The following IQCM variants were observed in gnomAD, a reference collection of about 807,000 sequenced individuals.
IQCM encodes the protein IQ motif containing M.
Under a neutral mutation model 57.6 loss-of-function variants are expected in IQCM, and 45 were observed. That is an observed-to-expected ratio of 0.78 (90% confidence interval 0.62 to 1.00). The LOEUF (loss-of-function observed/expected upper bound fraction) is 1.00, where lower values mean the gene tolerates loss of function less well. Ranked by LOEUF, IQCM falls within the 50% of genes least tolerant of loss-of-function variation. IQCM has a pLI of 0.00. For synonymous variants in IQCM, 148 were observed against 158.9 expected (o/e 0.93, Z 0.51); for missense variants, 468 against 511.6 (o/e 0.91, Z 0.82).
chr4:149,710,649 C>A (rs1764490455), intron 5 of IQCM, among the ~76,000 whole-genome samples: 1 of 152,096 alleles, frequency 6.6e-6, no homozygotes, highest in Non-Finnish European at 1.5e-5. Flanking sequence ...AAGCTCATCC[C>A]AAAGCTAATA....
intron 12 of IQCM, among the ~76,000 whole-genome samples, chr4:149,482,136 C>A (rs983042189): frequency 5.3e-5 from 8 of 151,908 alleles, no homozygotes; most frequent in African/African-American, 1.7e-4. Flanking sequence ...TTGTATCCTG[C>A]AACTTAACTG....
At chr4:149,803,229 G>C (rs1773769663) in intron 2 of IQCM, among the ~76,000 whole-genome samples, 1 of 151,840 alleles carries the variant, frequency 6.6e-6, no homozygotes, top group South Asian at 2.1e-4. Flanking sequence ...TCTTGATTTT[G>C]TCTATTTCCC....
At chr4:149,436,699 G>C (rs995998683) in intron 12 of IQCM, among the ~76,000 whole-genome samples, 1 of 151,938 alleles carries the variant, frequency 6.6e-6, no homozygotes, top group African/African-American at 2.4e-5. Context: ...AATAATTTTT[G>C]CTGTTTATGG....
chr4:149,384,930 A>G (rs546438826), intron 13 of IQCM, among the ~76,000 whole-genome samples: 5 of 152,178 alleles, frequency 3.3e-5, no homozygotes, highest in East Asian at 3.9e-4. Context: ...TAATTCAGCT[A>G]TTAGTGATTT....
intron 10 of IQCM, among the ~76,000 whole-genome samples, chr4:149,560,268 A>C (rs1749994264): frequency 6.6e-6 from 1 of 152,226 alleles, no homozygotes; most frequent in African/African-American, 2.4e-5. Context: ...TTCTTATGGT[A>C]ATATTGAAAC....
chr4:149,609,723 G>C (rs1454146954), intron 8 of IQCM, among the ~76,000 whole-genome samples: 1 of 151,508 alleles, frequency 6.6e-6, no homozygotes, highest in Non-Finnish European at 1.5e-5. Context: ...CTCGGTATAG[G>C]GGGAACATAC....
chr4:149,695,434 T>G (rs1561167241), intron 5 of IQCM, among the ~76,000 whole-genome samples: 1 of 152,182 alleles, frequency 6.6e-6, no homozygotes, highest in Non-Finnish European at 1.5e-5. Flanking sequence ...CCTTCAGCTT[T>G]TGTAATTGGG....
Position 149,622,342 on chromosome 4 carries a change from C to CTTT in IQCM, c.566-1101_566-1099dup, listed in dbSNP as rs767957507. Among the ~76,000 whole-genome samples, 67 of 140,550 alleles carry CTTT rather than the reference C, an allele frequency of 4.8e-4. 1 individual carries two copies. The highest frequency in any genetic ancestry group is 8.5e-4 in the Admixed American group (12 of 14,068). 92.2% of individuals were successfully genotyped at this position (140,550 alleles called of 152,430 possible). On this transcript the variant is annotated intron_variant, in intron 7 of 13. Coordinates refer to ENST00000636793, the MANE Select transcript of IQCM (RefSeq NM_001363507.2). The stretch of plus-strand genomic sequence containing the variant: ...CAATCCAATGTGAATCAGTGGAATT[C>CTTT]TTTTTTATTTTTTTTTTGGAGACGT...
intron 8 of IQCM, among the ~76,000 whole-genome samples, chr4:149,596,319 A>G (rs1179116192): frequency 6.6e-6 from 1 of 152,172 alleles, no homozygotes; most frequent in Non-Finnish European, 1.5e-5. Context: ...TGTTTAATGC[A>G]TGGCTGAGCT....
chr4:149,679,123 A>G (rs764346352), intron 7 of IQCM, among the ~76,000 whole-genome samples: 1 of 151,734 alleles, frequency 6.6e-6, no homozygotes, highest in Non-Finnish European at 1.5e-5. Context: ...AAAATATGGA[A>G]TCAACATATG....
At chr4:149,664,938 G>C (rs923673045) in intron 7 of IQCM, among the ~76,000 whole-genome samples, 1 of 152,160 alleles carries the variant, frequency 6.6e-6, no homozygotes, top group Non-Finnish European at 1.5e-5. Flanking sequence ...CTATTAGGCA[G>C]CTTCCTTACT....
At chr4:149,416,540 C>A (rs1036806067) in intron 13 of IQCM, among the ~76,000 whole-genome samples, 2 of 151,984 alleles carry the variant, frequency 1.3e-5, no homozygotes, top group African/African-American at 4.8e-5. Context: ...CCACCCCAGA[C>A]CTTATTAGTC....
intron 12 of IQCM, among the ~76,000 whole-genome samples, chr4:149,469,242 T>A (rs1458379311): frequency 6.6e-6 from 1 of 152,080 alleles, no homozygotes; most frequent in Non-Finnish European, 1.5e-5. Flanking sequence ...ATTAGACAAA[T>A]GGCTAACTAG....
At chr4:149,521,274 AC>A (rs368261524) in intron 12 of IQCM, among the ~76,000 whole-genome samples, 2 of 152,076 alleles carry the variant, frequency 1.3e-5, no homozygotes, top group Admixed American at 1.3e-4. Flanking sequence ...GAGAACAAAA[AC>A]AAGGAAAGAA....
chr4:149,673,576 T>C (rs1761496848), intron 7 of IQCM, among the ~76,000 whole-genome samples: 2 of 152,076 alleles, frequency 1.3e-5, no homozygotes, highest in South Asian at 4.1e-4. Context: ...GAGCTAACTA[T>C]CCTAAAAATA....
chr4:149,449,834 C>T (rs1381031039), intron 12 of IQCM, among the ~76,000 whole-genome samples: 2 of 151,694 alleles, frequency 1.3e-5, no homozygotes, highest in Non-Finnish European at 2.9e-5. Context: ...CAATGACATT[C>T]TTCACAGAAA....
chr4:149,705,092 C>T (rs1166317301), intron 5 of IQCM, among the ~76,000 whole-genome samples: 2 of 149,850 alleles, frequency 1.3e-5, no homozygotes, highest in South Asian at 2.1e-4. Context: ...TTCTCAGCCT[C>T]CATAATCACA....
chr4:149,493,654 A>C (rs1742336359), intron 12 of IQCM, among the ~76,000 whole-genome samples: 1 of 152,114 alleles, frequency 6.6e-6, no homozygotes, highest in Admixed American at 6.6e-5. Context: ...GGCTCCCAGC[A>C]ATCAGTACTT....
At chr4:149,808,823 G>A (rs566192715) in intron 2 of IQCM, among the ~76,000 whole-genome samples, 9 of 152,226 alleles carry the variant, frequency 5.9e-5, no homozygotes, top group African/African-American at 1.9e-4. Context: ...GGGTATGACT[G>A]TAGTATCTAA....
Sources: allele counts gnomAD v4.1 joint callset (sites outside exome capture counted in the v4.1 genomes callset), GRCh38; gene constraint gnomAD v4.1.1; transcripts MANE v1.5; gene names NCBI Gene and HGNC (gene_info 2026-07-23, HGNC 2026-07-21).